The following TTN variants were observed in gnomAD, a reference collection of about 807,000 sequenced individuals.
TTN encodes connectin.
TTN carries 1,525 observed loss-of-function variants against 3,223.0 expected under a neutral mutation model. The ratio of observed to expected loss-of-function variants is 0.47; its 90% CI spans 0.45 to 0.49. TTN has a LOEUF of 0.49. Ranked by LOEUF, TTN falls within the 20% of genes least tolerant of loss-of-function variation. The pLI is 0.00. For synonymous variants in TTN, 14,094 were observed against 15,161.0 expected, an observed-to-expected ratio of 0.93 and a Z score of 5.17; for missense variants, 40,786 against 43,424.0, an observed-to-expected ratio of 0.94 and a Z score of 5.40.
intron 2 of TTN, among the ~76,000 whole-genome samples, chr2:178,803,945 T>G (rs2094191079): frequency 6.6e-6 from 1 of 152,174 alleles, no homozygotes; most frequent in Admixed American, 6.6e-5. Flanking sequence ...TTGCTTCCTT[T>G]TAAATAGAGA....
Position 178,571,658 on chromosome 2 carries a change from C to T in TTN, c.74474G>A (p.Ser24825Asn), listed in dbSNP as rs753816472. ...GGGTGGGCCCCAGGAAAGAGTAATA[C>T]TATCAGCTGTCACTTCATCCATTTT... ...PVKMDEVTAD[S>N]ITLSWGPPKY... is the part of the protein sequence containing the mutation. The change falls in exon 326 of 363, where the codon AGT (serine) becomes AAT (asparagine). Residue 24825 changes from serine (S) to asparagine (N), a missense_variant. Transcript: ENST00000589042. 8.7e-6 allele frequency: 14 copies of T among 1,613,284 alleles called. No homozygotes were observed. Among genetic ancestry groups the T allele is most frequent in the Non-Finnish European group, 1.2e-5 (14 of 1,179,594 alleles).
chr2:178,684,785 A>T, intron 130 of TTN, 36 bp from the exon 131 acceptor site: 1 of 1,596,668 alleles, frequency 6.3e-7, no homozygotes, highest in Non-Finnish European at 8.5e-7. Flanking sequence ...CAAACATACG[A>T]TATGGAAAAC....
At chr2:178,714,642 A>C in intron 90 of TTN, 69 bp from the exon 91 acceptor site, 1 of 1,462,848 alleles carries the variant, frequency 6.8e-7, no homozygotes, top group East Asian at 2.3e-5. Context: ...TCAAATCGTG[A>C]ATGCCGGGAA....
Position 178,532,669 on chromosome 2 carries a change from C to G in TTN, c.103946G>C (p.Arg34649Pro), listed in dbSNP as rs397517788. The G allele has an allele frequency of 1.9e-6, 3 of 1,613,882 alleles. No homozygotes were observed. In the South Asian group the frequency reaches 3.3e-5, roughly 18 times the overall value. The change falls in exon 358 of 363, where the codon CGA becomes CCA. Residue 34649 changes from arginine to proline, a missense_variant. Transcript: ENST00000589042. Reference sequence around the variant, plus strand: ...GTCCCCAAGAGAACGTCTTCTAGGTCGGTAGTAAAAGTCATAATCAGGAGA... The same window carrying G: ...GTCCCCAAGAGAACGTCTTCTAGGTGGGTAGTAAAAGTCATAATCAGGAGA... ...TPSPDYDFYY[R>P]PRRRSLGDIS...
At chr2:178,627,433 A>G (rs1160075897) in intron 240 of TTN, among the ~76,000 whole-genome samples, 1 of 152,040 alleles carries the variant, frequency 6.6e-6, no homozygotes, top group African/African-American at 2.4e-5. Flanking sequence ...TAATTTAAAC[A>G]AAATCTGCCA....
chr2:178,701,655 G>T, intron 109 of TTN, 68 bp from the exon 110 acceptor site: 2 of 1,481,508 alleles, frequency 1.3e-6, no homozygotes, highest in Non-Finnish European at 1.9e-6. Context: ...ACTAAGGTGT[G>T]TTTGATTTAT....
Position 178,704,407 on chromosome 2 carries a change from T to C in TTN, c.29963A>G (p.Glu9988Gly), listed in dbSNP as rs762584154. Residue 9988 changes from glutamate to glycine, a missense_variant and splice_region_variant, in exon 106 of 363, where the codon GAG becomes GGG. Coordinates refer to ENST00000589042, the MANE Select transcript of TTN (RefSeq NM_001267550.2). ...CTGAAGATGCCGTTCCCATGCAGGC[T>C]CTGTTCATGTGATACAACACGCATT... ...HIASAKLTVI[E>G]PAWERHLQDV... is the part of the protein sequence containing the mutation. The C allele has an allele frequency of 2.5e-6, 4 of 1,612,416 alleles. No individual in the cohort carries two copies. In the Admixed American group the frequency reaches 5.0e-5, roughly 20 times the overall value.
At position 178,782,911 on chromosome 2, in the gene TTN, G is replaced by A. The variant is rs142000511; in HGVS notation, c.2995C>T (p.Arg999Cys). The A allele has an allele frequency of 6.2e-6, 10 of 1,614,032 alleles. No homozygotes were observed. Among genetic ancestry groups the A allele is most frequent in the South Asian group, 2.2e-5 (2 of 91,070 alleles). ...FQITFQSGIA[R>C]LMIREAFAED... ...GCAAATGCTTCGCGAATCATAAGACGAGCAATTCCACTCTGGAAGGTTATC... is the reference window on the plus strand; with the variant it reads ...GCAAATGCTTCGCGAATCATAAGACAAGCAATTCCACTCTGGAAGGTTATC... The change falls in exon 18 of 363, where the codon CGT becomes TGT. Residue 999 changes from arginine (R) to cysteine (C), a missense_variant. Coordinates refer to ENST00000589042, the MANE Select transcript of TTN (RefSeq NM_001267550.2).
rs1368589210 is a variant in TTN, at chr2:178,617,381, C to T, written c.47704G>A (p.Gly15902Arg). ...LGYIIERCEEGKDNWIRCNMK... is the reference protein window; with the variant it reads ...LGYIIERCEERKDNWIRCNMK... The stretch of plus-strand genomic sequence containing the variant: ...TTGCAACGAATCCAATTATCTTTTC[C>T]TTCTTCGCATCGCTCAATTATATAG... Residue 15902 changes from glycine to arginine, a missense_variant, in exon 254 of 363, where the codon GGA (glycine) becomes AGA (arginine). Physicochemically the swap from Gly to Arg is moderately radical, Grantham distance 125 (BLOSUM62 -2). Coordinates refer to ENST00000589042, the MANE Select transcript of TTN (RefSeq NM_001267550.2). The T allele has an allele frequency of 6.3e-7, 1 of 1,587,262 alleles. No individual in the cohort carries two copies. Among genetic ancestry groups the T allele is most frequent in the East Asian group, 2.3e-5 (1 of 44,154 alleles).
At position 178,741,602 on chromosome 2, in the gene TTN, C is replaced by T; in HGVS notation, c.11631G>A (p.Leu3877=). ...CCTCCAATTTGGTGAACAGAATGATCAGGCTATGATCATCACCGTCAAAAA... is the reference window on the plus strand; with the variant it reads ...CCTCCAATTTGGTGAACAGAATGATTAGGCTATGATCATCACCGTCAAAAA... ...KFVFDGDDHS[L]IILFTKLEDE... is the part of the protein sequence containing the mutation. Residue 3877 remains leucine, a synonymous_variant, in exon 48 of 363, where the codon CTG becomes CTA. Coordinates refer to ENST00000589042, the MANE Select transcript of TTN (RefSeq NM_001267550.2). 1.2e-6 allele frequency: 2 copies of T among 1,613,864 alleles called. No homozygotes were observed. The highest frequency in any genetic ancestry group is 8.5e-7 in the Non-Finnish European group (1 of 1,179,810).
At chr2:178,698,817 G>C (rs1372906828) in intron 112 of TTN, 26 bp downstream of exon 112, 3 of 1,531,698 alleles carry the variant, frequency 2.0e-6, no homozygotes, top group Non-Finnish European at 2.6e-6. Context: ...AAAGTGTTAA[G>C]ACTGCTTTTT....
Position 178,669,686 on chromosome 2 carries a change from A to G in TTN, c.35387-11T>C, listed in dbSNP as rs559992879. 6.2e-7 allele frequency: 1 copy of G among 1,609,688 alleles called. No individual in the cohort carries two copies. Among genetic ancestry groups the G allele is most frequent in the Non-Finnish European group, 8.5e-7 (1 of 1,177,764 alleles). On this transcript the variant is annotated splice_polypyrimidine_tract_variant and intron_variant, in intron 157 of 362. Coordinates refer to ENST00000589042, the MANE Select transcript of TTN (RefSeq NM_001267550.2). ...TGGGTACTTCGGGTGCTTTAAAGAT[A>G]TTTATTTATCTTATTTTTTCAGAAC... is the stretch of plus-strand genomic sequence containing the variant.
chr2:178,551,928 A>T lies in TTN; in HGVS notation c.90972T>A (p.Ile30324=). The change falls in exon 335 of 363, where the codon ATT becomes ATA. Residue 30324 remains isoleucine (I), a synonymous_variant. Transcript: ENST00000589042. ...TAACTGGCTTTCCTGGGGGACCAGG[A>T]ATCCTGAACTGGTGTTTTGCCACAA... ...SIIVAKHQFR[I]PGPPGKPVIY... is the part of the protein sequence containing the mutation. 1 of 1,613,610 alleles carries T rather than the reference A, an allele frequency of 6.2e-7. No homozygotes were observed. Among genetic ancestry groups the T allele is most frequent in the Non-Finnish European group, 8.5e-7 (1 of 1,179,608 alleles).
rs773002407 is a variant in TTN at position 178,532,658 on chromosome 2, G to A, written c.103957C>T (p.Arg34653Cys). 11 of 1,613,822 alleles carry A rather than the reference G, an allele frequency of 6.8e-6. No homozygotes were observed. The highest frequency in any genetic ancestry group is 6.7e-5 in the African/African-American group (5 of 74,924). The change falls in exon 358 of 363, where the codon CGT becomes TGT. Residue 34653 changes from arginine (R) to cysteine (C), a missense_variant. Coordinates refer to ENST00000589042, the MANE Select transcript of TTN (RefSeq NM_001267550.2). ...TCATCAGAGATGTCCCCAAGAGAAC[G>A]TCTTCTAGGTCGGTAGTAAAAGTCA... ...DYDFYYRPRR[R>C]SLGDISDEEL...
In TTN at chr2:178,777,600, T is replaced by C. The variant is rs1364656520; in HGVS notation, c.4481-16A>G. On this transcript the variant is annotated splice_polypyrimidine_tract_variant and intron_variant, in intron 25 of 362. Transcript: ENST00000589042. ...ATTTGCTGGCCTGTGAAAATATGTT[T>C]AAAAGAAAGTAGATTTTAAAATAGT... 1.2e-6 allele frequency: 2 copies of C among 1,613,534 alleles called. No individual in the cohort carries two copies. The highest frequency in any genetic ancestry group is 1.3e-5 in the African/African-American group (1 of 74,892).
In TTN at chr2:178,538,777, G is replaced by C. The variant is rs1384790834; in HGVS notation, c.99052C>G (p.Gln33018Glu). 5 of 1,613,528 alleles carry C rather than the reference G, an allele frequency of 3.1e-6. No homozygotes were observed. The South Asian group carries it at 4.4e-5, about 14-fold the overall frequency. ...LSISKDSVTLQWEKPECDGGK... is the reference protein window; with the variant it reads ...LSISKDSVTLEWEKPECDGGK... ...CCATCACATTCAGGTTTCTCCCACT[G>C]TAGAGTGACACTATCTTTGGATATT... Residue 33018 changes from glutamine (Q) to glutamate (E), a missense_variant, in exon 354 of 363, where the codon CAG becomes GAG. By Grantham distance (29) the Gln-to-Glu change is conservative. Transcript: ENST00000589042.
At position 178,617,121 on chromosome 2, in the gene TTN, A is replaced by G. The variant is rs747343598; in HGVS notation, c.47874T>C (p.Phe15958=). The G allele has an allele frequency of 7.5e-6, 12 of 1,610,304 alleles. No individual in the cohort carries two copies. The highest frequency in any genetic ancestry group is 1.0e-5 in the Non-Finnish European group (12 of 1,178,288). Reference sequence around the variant, plus strand: ...TCTAAAAATAAAATATCTATTTACCAAATGCATCGTCAGCGGTGAGAGGAC... The same window carrying G: ...TCTAAAAATAAAATATCTATTTACCGAATGCATCGTCAGCGGTGAGAGGAC... ...ILGPLTADDA[F]VEPTMDLSAF... Residue 15958 remains phenylalanine, a splice_region_variant and synonymous_variant, in exon 255 of 363, where the codon TTT becomes TTC. Coordinates refer to ENST00000589042, the MANE Select transcript of TTN (RefSeq NM_001267550.2).
At position 178,570,115 on chromosome 2, in the gene TTN, A is replaced by T; in HGVS notation, c.76017T>A (p.Tyr25339Ter). 6.2e-7 allele frequency: 1 copy of T among 1,613,474 alleles called. No individual in the cohort carries two copies. Among genetic ancestry groups the T allele is most frequent in the Middle Eastern group, 1.7e-4 (1 of 6,054 alleles). The change falls in exon 326 of 363, where the codon TAT becomes TAA. Residue 25339 changes from tyrosine to a stop codon, truncating the protein, a stop_gained. Transcript: ENST00000589042. LOFTEE classifies it high-confidence loss of function. ...CTTCTTTATCCCGTTTCTCAAGAAC[A>T]TATCCAAGAATTTCACTACCACCAT... Reference protein sequence around the residue: ...ASDGGSEILGYVLEKRDKEGI... With the variant: ...ASDGGSEILG
Position 178,589,368 on chromosome 2 carries a change from G to T in TTN, c.62357C>A (p.Thr20786Asn). 1 of 1,613,298 alleles carries T rather than the reference G, an allele frequency of 6.2e-7. No individual in the cohort carries two copies. Among genetic ancestry groups the T allele is most frequent in the Non-Finnish European group, 8.5e-7 (1 of 1,179,600 alleles). Residue 20786 changes from threonine to asparagine, a missense_variant, in exon 304 of 363, where the codon ACC becomes AAC. Thr to Asn is a moderately conservative substitution (Grantham distance 65, BLOSUM62 0). Transcript: ENST00000589042. Reference protein sequence around the residue: ...SGVLTVKAGDTIRLEAGVRGK... With the variant: ...SGVLTVKAGDNIRLEAGVRGK... ...TCTAACCCCTGCCTCAAGCCTAATG[G>T]TGTCCCCTGCTTTGACAGTTAGGAC...
Sources: allele counts gnomAD v4.1 joint callset (sites outside exome capture counted in the v4.1 genomes callset), GRCh38; gene constraint gnomAD v4.1.1; transcripts MANE v1.5; gene names NCBI Gene and HGNC (gene_info 2026-07-23, HGNC 2026-07-21).